The following KANSL2 variants were observed in gnomAD, a reference collection of about 807,000 sequenced individuals.
The protein encoded by KANSL2 is KAT8 regulatory NSL complex subunit 2, also known as NSL complex protein NSL2.
Under a neutral mutation model 55.6 loss-of-function variants are expected in KANSL2, and 34 were observed. That is an observed-to-expected ratio of 0.61 (90% CI 0.46 to 0.81). KANSL2 has a LOEUF of 0.81. Ranked by LOEUF, KANSL2 falls within the 40% of genes least tolerant of loss-of-function variation. The probability of loss-of-function intolerance (pLI) is 0.00; values close to 1 mark genes in which losing one functional copy is unlikely to be tolerated. For synonymous variants in KANSL2, 209 were observed against 214.3 expected, an observed-to-expected ratio of 0.98 and a Z score of 0.22; for missense variants, 502 against 609.9, an observed-to-expected ratio of 0.82 and a Z score of 1.86.
chr12:48,672,264 T>C (rs1457944212), intron 4 of KANSL2, among the ~76,000 whole-genome samples: 1 of 151,744 alleles, frequency 6.6e-6, no homozygotes, highest in Non-Finnish European at 1.5e-5. Context: ...AAACTTTTAT[T>C]AATCTACATT....
intron 8 of KANSL2, 45 bp downstream of exon 8, chr12:48,660,321 C>T (rs186461979): frequency 3.1e-6 from 5 of 1,604,142 alleles, no homozygotes; most frequent in African/African-American, 1.3e-5. Flanking sequence ...ATAAATAAGG[C>T]TTTGTCTCAA....
chr12:48,670,191 T>C (rs1939683472), intron 5 of KANSL2, among the ~76,000 whole-genome samples: 1 of 131,874 alleles, frequency 7.6e-6, no homozygotes, highest in South Asian at 2.7e-4. Flanking sequence ...AGAGTGAGAC[T>C]ATATCACAAA....
intron 2 of KANSL2, 136 bp downstream of exon 2, chr12:48,681,246 A>T: frequency 9.4e-6 from 9 of 953,766 alleles, no homozygotes; most frequent in South Asian, 1.8e-5. Context: ...CCGTTTTTTC[A>T]GTTTTCCAAG....
chr12:48,675,724 G>T (rs749598258), intron 4 of KANSL2, among the ~76,000 whole-genome samples: 1 of 152,154 alleles, frequency 6.6e-6, no homozygotes, highest in Non-Finnish European at 1.5e-5. Flanking sequence ...AATGAATGCC[G>T]GCTGGTTCAT....
intron 8 of KANSL2, chr12:48,658,783 G>T (rs1939436978): frequency 6.6e-6 from 1 of 152,114 alleles, no homozygotes; most frequent in Non-Finnish European, 1.5e-5. Flanking sequence ...TAAAATAAGA[G>T]AATCCACGTT....
chr12:48,677,008 A>G (rs1243479476), intron 4 of KANSL2, among the ~76,000 whole-genome samples: 4 of 152,204 alleles, frequency 2.6e-5, no homozygotes, highest in South Asian at 4.1e-4. Context: ...CTAAATTACT[A>G]TATTATTAAA....
rs1939468378 is a variant in KANSL2 at position 48,660,586 on chromosome 12, T to C, written c.1007A>G (p.Lys336Arg). 2 of 1,613,344 alleles carry C rather than the reference T, an allele frequency of 1.2e-6. No homozygotes were observed. The highest frequency in any genetic ancestry group is 8.5e-7 in the Non-Finnish European group (1 of 1,179,618). The change falls in exon 8 of 10, where the codon AAG becomes AGG. Residue 336 changes from lysine (K) to arginine (R), a missense_variant. Lys to Arg is a conservative substitution (Grantham distance 26). Transcript: ENST00000420613. Reference sequence around the variant, plus strand: ...TACCTCTTCAGATCCCTGGCAGCACTTGAAGAGAACCTGATTCGTATCCTG... The same window carrying C: ...TACCTCTTCAGATCCCTGGCAGCACCTGAAGAGAACCTGATTCGTATCCTG... ...ICQDTNQVLF[K>R]CCQGSEEVPC...
At position 48,681,392 on chromosome 12, in the gene KANSL2, T is replaced by C; in HGVS notation, c.241A>G (p.Lys81Glu). The change falls in exon 2 of 10, where the codon AAG becomes GAG. Residue 81 changes from lysine to glutamate, a missense_variant. Coordinates refer to ENST00000420613, the MANE Select transcript of KANSL2 (RefSeq NM_017822.4). ...RCPNAAPKPE[K>E]KDGVSFCAEH... ...TCTATACATATATACCCATCTTTCT[T>C]CTCTGGCTTTGGGGCAGCATTGGGA... The C allele has an allele frequency of 6.2e-7, 1 of 1,612,942 alleles. No homozygotes were observed. The highest frequency in any genetic ancestry group is 8.5e-7 in the Non-Finnish European group (1 of 1,179,380).
chr12:48,680,093 TCTGTTGCC>T, intron 2 of KANSL2: 1 of 384,496 alleles, frequency 2.6e-6, no homozygotes, highest in Non-Finnish European at 4.8e-6. Flanking sequence ...TGGGTCTTGC[TCTGTTGCC>T]CAGGCTAAAG....
chr12:48,656,861 TCTTC>T, intron 8 of KANSL2: 2 of 418,900 alleles, frequency 4.8e-6, no homozygotes, highest in Middle Eastern at 7.4e-4. Context: ...AAATTCTCCT[TCTTC>T]CTAAGAATTA....
At chr12:48,680,000 G>C (rs1168783252) in intron 2 of KANSL2, 167 bp from the exon 3 acceptor site, 2 of 614,874 alleles carry the variant, frequency 3.3e-6, no homozygotes, top group Non-Finnish European at 5.6e-6. Context: ...CAACTCATTT[G>C]ACTTTATTAA....
chr12:48,664,577 CTTTT>C (rs35805896), intron 7 of KANSL2, among the ~76,000 whole-genome samples: 7 of 62,066 alleles, frequency 1.1e-4, no homozygotes, highest in East Asian at 5.8e-4. Flanking sequence ...CGCACCTGGC[CTTTT>C]TTTTTTTTTT....
chr12:48,679,958 T>C, intron 2 of KANSL2, 125 bp from the exon 3 acceptor site: 3 of 873,902 alleles, frequency 3.4e-6, no homozygotes, highest in Non-Finnish European at 5.1e-6. Flanking sequence ...TTTCTAAAAA[T>C]GCAAGTCAGA....
intron 4 of KANSL2, among the ~76,000 whole-genome samples, chr12:48,674,159 A>T (rs1295668753): frequency 2.0e-5 from 3 of 152,124 alleles, no homozygotes; most frequent in African/African-American, 7.2e-5. Context: ...TTTCGTTTTT[A>T]AGACAGAGTC....
At chr12:48,681,663 CA>C (rs1338515985) in intron 1 of KANSL2, 22 bp from the exon 2 acceptor site, 1 of 1,613,702 alleles carries the variant, frequency 6.2e-7, no homozygotes, top group Non-Finnish European at 8.5e-7. Context: ...AACGAAAGAC[CA>C]AAAAGCCCTT....
At chr12:48,660,759 C>A (rs1939471449) in intron 7 of KANSL2, 140 bp from the exon 8 acceptor site, 1 of 856,710 alleles carries the variant, frequency 1.2e-6, no homozygotes, top group East Asian at 2.7e-5. Flanking sequence ...ATACCAAATG[C>A]AGTTAGCAAT....
At chr12:48,655,644 G>A (rs1344771195) in intron 8 of KANSL2, among the ~76,000 whole-genome samples, 1 of 152,154 alleles carries the variant, frequency 6.6e-6, no homozygotes, top group East Asian at 1.9e-4. Flanking sequence ...CAGGGGAAAG[G>A]GAAAGGAGAG....
Position 48,662,112 on chromosome 12 carries a change from G to A in KANSL2, c.974-1493C>T, listed in dbSNP as rs887013515. Among the ~76,000 whole-genome samples, 9 of 152,136 alleles carry A rather than the reference G, an allele frequency of 5.9e-5. No individual in the cohort carries two copies. In the South Asian group the frequency reaches 6.2e-4, roughly 10 times the overall value. The stretch of plus-strand genomic sequence containing the variant: ...TATTATCCATTAAATGTTTCAACCA[G>A]AAATTTTTTTTACACGAAGTCTCGC... On this transcript the variant is annotated intron_variant, in intron 7 of 9. Transcript: ENST00000420613.
At chr12:48,680,011 A>T in intron 2 of KANSL2, 178 bp from the exon 3 acceptor site, 1 of 590,620 alleles carries the variant, frequency 1.7e-6, no homozygotes, top group Non-Finnish European at 2.9e-6. Flanking sequence ...ACTTTATTAA[A>T]GGGAAATAAC....
Sources: allele counts gnomAD v4.1 joint callset (sites outside exome capture counted in the v4.1 genomes callset), GRCh38; gene constraint gnomAD v4.1.1; transcripts MANE v1.5; gene names NCBI Gene and HGNC (gene_info 2026-07-23, HGNC 2026-07-21).